Variants in CAMTA1 observed in about 807,000 individuals in gnomAD.
The protein encoded by CAMTA1 is calmodulin binding transcription activator 1, also known as calmodulin-binding transcription activator 1.
A neutral mutation model predicts 170.9 loss-of-function variants in CAMTA1; 27 were observed. That is an observed-to-expected ratio of 0.16 (90% confidence interval 0.12 to 0.22). The LOEUF (loss-of-function observed/expected upper bound fraction) is 0.22, where lower values mean the gene tolerates loss of function less well. Ranked by LOEUF, CAMTA1 falls within the 10% of genes least tolerant of loss-of-function variation. The pLI is 1.00. For missense variants in CAMTA1, 1,619 were observed against 2,217.2 expected, an observed-to-expected ratio of 0.73 and a Z score of 5.42; for synonymous variants, 833 against 891.5, an observed-to-expected ratio of 0.93 and a Z score of 1.17.
intron 1 of CAMTA1, among the ~76,000 whole-genome samples, chr1:6,818,958 A>T (rs1176508349): frequency 6.6e-6 from 1 of 151,862 alleles, no homozygotes; most frequent in Non-Finnish European, 1.5e-5. Context: ...TATTATTATT[A>T]TTTTTAAAGA....
intron 4 of CAMTA1, among the ~76,000 whole-genome samples, chr1:7,205,064 C>T (rs1004160511): frequency 2.0e-5 from 3 of 151,938 alleles, no homozygotes; most frequent in Admixed American, 6.6e-5. Context: ...TTCCTGACCT[C>T]GTGATCCACA....
chr1:7,373,462 G>T (rs1317863420), intron 5 of CAMTA1, among the ~76,000 whole-genome samples: 1 of 152,162 alleles, frequency 6.6e-6, no homozygotes, highest in Non-Finnish European at 1.5e-5. Flanking sequence ...CTCCACCTCA[G>T]TCCACCGCCT....
chr1:7,127,997 CA>C (rs1201202331), intron 4 of CAMTA1, among the ~76,000 whole-genome samples: 1 of 152,212 alleles, frequency 6.6e-6, no homozygotes, highest in Non-Finnish European at 1.5e-5. Flanking sequence ...TTATGCCGAG[CA>C]CTGGCTTTCC....
intron 5 of CAMTA1, among the ~76,000 whole-genome samples, chr1:7,276,303 A>ATATATATATATATATATATATTT: frequency 7.8e-4 from 19 of 24,214 alleles, no homozygotes; most frequent in Non-Finnish European, 9.1e-4. Flanking sequence ...ATATATATAT[A>ATATATATATATATATATATATTT]TTTTTTTTTT....
intron 6 of CAMTA1, among the ~76,000 whole-genome samples, chr1:7,564,626 A>G (rs1476783290): frequency 6.6e-6 from 1 of 151,840 alleles, no homozygotes; most frequent in Non-Finnish European, 1.5e-5. Context: ...GCGGGTATGT[A>G]CGTTTGCAGG....
intron 3 of CAMTA1, among the ~76,000 whole-genome samples, chr1:6,869,441 C>T (rs1667753637): frequency 6.6e-6 from 1 of 152,200 alleles, no homozygotes. Flanking sequence ...ATATACTTGC[C>T]TCAGCAAACA....
At chr1:7,602,765 T>C (rs1298562048) in intron 6 of CAMTA1, among the ~76,000 whole-genome samples, 1 of 152,266 alleles carries the variant, frequency 6.6e-6, no homozygotes, top group Non-Finnish European at 1.5e-5. Context: ...CAATTTTAGA[T>C]CTTTCCTGCT....
chr1:7,166,867 G>A (rs1324803171), intron 4 of CAMTA1, among the ~76,000 whole-genome samples: 1 of 151,378 alleles, frequency 6.6e-6, no homozygotes, highest in East Asian at 1.9e-4. Flanking sequence ...CTGGAGCGCA[G>A]TGGTGCAATC....
intron 5 of CAMTA1, among the ~76,000 whole-genome samples, chr1:7,320,595 A>C (rs1411544070): frequency 6.8e-6 from 1 of 146,286 alleles, no homozygotes; most frequent in African/African-American, 2.6e-5. Flanking sequence ...TGCTTCCTTT[A>C]GATCCTTAAG....
At chr1:7,751,501 A>T in intron 20 of CAMTA1, 109 bp downstream of exon 20, 1 of 870,926 alleles carries the variant, frequency 1.1e-6, no homozygotes, top group Non-Finnish European at 1.7e-6. Flanking sequence ...GGCCTAAAGC[A>T]TTGGCAGTCA....
intron 5 of CAMTA1, among the ~76,000 whole-genome samples, chr1:7,380,566 C>T (rs1293592916): frequency 6.6e-6 from 1 of 152,158 alleles, no homozygotes; most frequent in Non-Finnish European, 1.5e-5. Context: ...AAGAGCGAAA[C>T]TCTGTCTCAA....
At chr1:7,096,035 C>G (rs1642036771) in intron 4 of CAMTA1, among the ~76,000 whole-genome samples, 1 of 152,210 alleles carries the variant, frequency 6.6e-6, no homozygotes, top group Admixed American at 6.5e-5. Context: ...TGTTGATTAT[C>G]TAATTAATTA....
Position 7,621,643 on chromosome 1 carries a change from A to T in CAMTA1, c.511-18757A>T, listed in dbSNP as rs1056657986. Among the ~76,000 whole-genome samples the T allele has an allele frequency of 5.9e-5, 9 of 152,194 alleles. 1 individual carries two copies. The highest frequency in any genetic ancestry group is 3.9e-4 in the Admixed American group (6 of 15,282). On this transcript the variant is annotated intron_variant, in intron 6 of 22. Transcript: ENST00000303635. ...CAGTGGCAGCCCAACACTCTGTGTC[A>T]TTGGGAGTGTACTTAAATCGCAAGG...
chr1:7,695,307 A>G (rs1158233506), intron 11 of CAMTA1, among the ~76,000 whole-genome samples: 1 of 152,210 alleles, frequency 6.6e-6, no homozygotes, highest in Non-Finnish European at 1.5e-5. Context: ...AGCTCTGAGC[A>G]GAGAGAAGAG....
In CAMTA1 at chr1:6,989,666, C is replaced by T. The variant is rs772760503; in HGVS notation, c.235-101638C>T. Among the ~76,000 whole-genome samples, 7 of 152,254 alleles carry T rather than the reference C, an allele frequency of 4.6e-5. No individual in the cohort carries two copies. In the East Asian group the frequency reaches 5.8e-4, roughly 13 times the overall value. ...CTTTAAAGATAGCTGTCTTCCCCCA[C>T]GTCACTGGCAGGGGTGTACTGGAAT... On this transcript the variant is annotated intron_variant, in intron 3 of 22. Transcript: ENST00000303635.
At chr1:6,911,763 G>A (rs1420401041) in intron 3 of CAMTA1, among the ~76,000 whole-genome samples, 2 of 152,194 alleles carry the variant, frequency 1.3e-5, no homozygotes, top group African/African-American at 4.8e-5. Context: ...CTGGTCTCTT[G>A]TGGAACCTAA....
At chr1:7,242,811 A>AAAT (rs1558298021) in intron 4 of CAMTA1, among the ~76,000 whole-genome samples, 3 of 134,812 alleles carry the variant, frequency 2.2e-5, no homozygotes, top group African/African-American at 9.6e-5. Flanking sequence ...AATAAATAAA[A>AAAT]ATTAGCCGGG....
chr1:7,614,056 C>A (rs116013001), intron 6 of CAMTA1, among the ~76,000 whole-genome samples: 1 of 145,478 alleles, frequency 6.9e-6, no homozygotes, highest in Admixed American at 6.8e-5. Flanking sequence ...GGAGGTGGAA[C>A]CCAGAGGTAG....
At chr1:6,953,152 G>A (rs1359113803) in intron 3 of CAMTA1, among the ~76,000 whole-genome samples, 1 of 152,188 alleles carries the variant, frequency 6.6e-6, no homozygotes, top group Non-Finnish European at 1.5e-5. Context: ...AGCCCGTCCT[G>A]CATCTGTCCC....
Sources: allele counts gnomAD v4.1 joint callset (sites outside exome capture counted in the v4.1 genomes callset), GRCh38; gene constraint gnomAD v4.1.1; transcripts MANE v1.5; gene names NCBI Gene and HGNC (gene_info 2026-07-23, HGNC 2026-07-21).